Variants in OXCT1 observed in about 807,000 individuals in gnomAD.
OXCT1 encodes the protein succinyl-CoA:3-ketoacid coenzyme A transferase 1, mitochondrial.
OXCT1 carries 27 observed loss-of-function variants against 69.6 expected under a neutral mutation model. That is an observed-to-expected ratio of 0.39 (90% CI 0.29 to 0.54). OXCT1 has a LOEUF of 0.54. Among genes scored for constraint, OXCT1 ranks in the 20% least tolerant of loss-of-function variants. OXCT1 has a pLI of 0.72. For synonymous variants in OXCT1, 202 were observed against 217.8 expected (o/e 0.93, Z 0.64); for missense variants, 437 against 650.2 (o/e 0.67, Z 3.57).
intron 7 of OXCT1, among the ~76,000 whole-genome samples, chr5:41,834,253 C>A (rs1748242832): frequency 6.6e-6 from 1 of 151,530 alleles, no homozygotes; most frequent in South Asian, 2.1e-4. Context: ...AGAAAGAAGA[C>A]CACAAAACAA....
At chr5:41,790,082 C>T (rs1745842660) in intron 13 of OXCT1, among the ~76,000 whole-genome samples, 1 of 152,150 alleles carries the variant, frequency 6.6e-6, no homozygotes, top group African/African-American at 2.4e-5. Flanking sequence ...CCAAAAGTGT[C>T]CCATTCTTTC....
intron 14 of OXCT1, among the ~76,000 whole-genome samples, chr5:41,750,275 T>C (rs1042970851): frequency 2.0e-5 from 3 of 151,880 alleles, no homozygotes; most frequent in African/African-American, 7.3e-5. Context: ...TCATTTCCTA[T>C]TGTGGCAGAG....
chr5:41,754,161 C>A (rs978852735), intron 14 of OXCT1, among the ~76,000 whole-genome samples: 1 of 152,088 alleles, frequency 6.6e-6, no homozygotes, highest in African/African-American at 2.4e-5. Flanking sequence ...ACAAGGGCTT[C>A]TTTTAATTTA....
At chr5:41,739,633 A>C (rs1434492461) in intron 15 of OXCT1, 142 bp from the exon 16 acceptor site, 3 of 645,328 alleles carry the variant, frequency 4.6e-6, no homozygotes, top group African/African-American at 1.8e-5. Context: ...TGGTAGGCTT[A>C]GGTGGGTGGA....
chr5:41,763,147 G>T (rs1744427895), intron 13 of OXCT1, among the ~76,000 whole-genome samples: 1 of 152,038 alleles, frequency 6.6e-6, no homozygotes, highest in African/African-American at 2.4e-5. Flanking sequence ...CACACAACAT[G>T]GCTTTAAAAC....
chr5:41,809,699 C>A (rs1440816535), intron 7 of OXCT1, among the ~76,000 whole-genome samples: 1 of 151,950 alleles, frequency 6.6e-6, no homozygotes, highest in East Asian at 1.9e-4. Context: ...TGGAAACCCG[C>A]CACTATTTTC....
chr5:41,825,628 T>C (rs932902212), intron 7 of OXCT1, among the ~76,000 whole-genome samples: 7 of 152,182 alleles, frequency 4.6e-5, no homozygotes, highest in Admixed American at 3.3e-4. Flanking sequence ...AAAGCATCAG[T>C]ATCTGAGGCC....
intron 16 of OXCT1, among the ~76,000 whole-genome samples, chr5:41,734,728 A>T (rs1246309160): frequency 1.3e-5 from 2 of 152,212 alleles, no homozygotes; most frequent in Non-Finnish European, 2.9e-5. Context: ...TAAAAGACAG[A>T]CAGAAGACTA....
At chr5:41,807,494 AATTTTTTAAAAAGTATAC>A in intron 7 of OXCT1, 56 bp from the exon 8 acceptor site, 3 of 996,168 alleles carry the variant, frequency 3.0e-6, no homozygotes, top group Non-Finnish European at 4.8e-6. Flanking sequence ...GAACATTTTT[AATTTTTTAAAAAGTATAC>A]ACAACTTCAC....
chr5:41,768,723 A>T (rs1561060887), intron 13 of OXCT1, among the ~76,000 whole-genome samples: 1 of 152,188 alleles, frequency 6.6e-6, no homozygotes, highest in East Asian at 1.9e-4. Context: ...GAGTTATAGT[A>T]GTCTCCTTAC....
intron 13 of OXCT1, among the ~76,000 whole-genome samples, chr5:41,773,507 G>A (rs1744977389): frequency 6.6e-6 from 1 of 151,964 alleles, no homozygotes; most frequent in Admixed American, 6.6e-5. Context: ...TGAAGTGGGA[G>A]GATCACCTGA....
chr5:41,861,011 T>C (rs771687721), intron 3 of OXCT1, among the ~76,000 whole-genome samples: 2 of 152,158 alleles, frequency 1.3e-5, no homozygotes, highest in African/African-American at 4.8e-5. Flanking sequence ...AATTTGAAGA[T>C]ATATATTCTA....
intron 7 of OXCT1, among the ~76,000 whole-genome samples, chr5:41,811,032 CA>C (rs1746958255): frequency 7.1e-6 from 1 of 141,536 alleles, no homozygotes; most frequent in Non-Finnish European, 1.5e-5. Context: ...AAACAGACAA[CA>C]AGCAATAATG....
chr5:41,791,773 G>T lies in OXCT1; in HGVS notation c.1248+2230C>A, dbSNP rs1745929943. On this transcript the variant is annotated intron_variant, in intron 13 of 16. Transcript: ENST00000196371. ...CCAATGCTTTTCTCTTCTTTGCCAG[G>T]TATCCGCAACTTCTTTTTTATTTTA... is the stretch of plus-strand genomic sequence containing the variant. 2.0e-5 allele frequency among the ~76,000 whole-genome samples: 3 copies of T among 152,014 alleles called. No individual in the cohort carries two copies. In the South Asian group the frequency reaches 6.3e-4, roughly 32 times the overall value.
chr5:41,836,604 A>C (rs1748374769), intron 7 of OXCT1, among the ~76,000 whole-genome samples: 1 of 152,076 alleles, frequency 6.6e-6, no homozygotes, highest in Non-Finnish European at 1.5e-5. Flanking sequence ...TTTGGGATGA[A>C]ACTGTTCCAC....
chr5:41,832,313 C>A (rs1748136799), intron 7 of OXCT1, among the ~76,000 whole-genome samples: 1 of 151,044 alleles, frequency 6.6e-6, no homozygotes, highest in South Asian at 2.1e-4. Flanking sequence ...ACCACACCCC[C>A]AGTTCCAGGC....
chr5:41,820,560 C>A (rs531306139), intron 7 of OXCT1, among the ~76,000 whole-genome samples: 3 of 152,154 alleles, frequency 2.0e-5, no homozygotes, highest in African/African-American at 7.2e-5. Context: ...TAGTGAACTG[C>A]AAAAACATGC....
intron 16 of OXCT1, among the ~76,000 whole-genome samples, chr5:41,732,693 T>C (rs1223823332): frequency 6.6e-6 from 1 of 152,154 alleles, no homozygotes; most frequent in Non-Finnish European, 1.5e-5. Context: ...GAATAAACAA[T>C]ATTTTCTTAA....
chr5:41,765,301 T>C (rs545489016), intron 13 of OXCT1, among the ~76,000 whole-genome samples: 2 of 152,278 alleles, frequency 1.3e-5, no homozygotes, highest in African/African-American at 2.4e-5. Flanking sequence ...ATCTCTTTCA[T>C]GCAGTTCATG....
Sources: allele counts gnomAD v4.1 joint callset (sites outside exome capture counted in the v4.1 genomes callset), GRCh38; gene constraint gnomAD v4.1.1; transcripts MANE v1.5; gene names NCBI Gene and HGNC (gene_info 2026-07-23, HGNC 2026-07-21).